STRA6: variants seen among roughly 807,000 people sequenced by gnomAD.
The protein encoded by STRA6 is receptor for retinol uptake STRA6.
Under a neutral mutation model 83.6 loss-of-function variants are expected in STRA6, and 48 were observed. That is an observed-to-expected ratio of 0.57 (90% confidence interval 0.46 to 0.73). STRA6 has a LOEUF of 0.73. STRA6 is among the 30% of genes least tolerant of loss of function. STRA6 has a pLI of 0.00. For missense variants in STRA6, 760 were observed against 838.8 expected, an observed-to-expected ratio of 0.91 and a Z score of 1.16; for synonymous variants, 353 against 362.3, an observed-to-expected ratio of 0.97 and a Z score of 0.29.
rs139557843 is a variant in STRA6 at position 74,196,028 on chromosome 15, A to G, written c.386T>C (p.Leu129Pro). 536 of 1,613,742 alleles carry G rather than the reference A, an allele frequency of 3.3e-4. 1 individual carries two copies. The highest frequency in any genetic ancestry group is 4.4e-4 in the Non-Finnish European group (517 of 1,179,972). The change falls in exon 5 of 19, where the codon CTC becomes CCC. Residue 129 changes from leucine to proline, a missense_variant. Leu to Pro is a moderately conservative substitution (Grantham distance 98, BLOSUM62 -3). Transcript: ENST00000395105. ...PDEDALPFLT[L>P]ASAPSQDGKT... ...GGTACCTTGGCTGGGTGCTGAGGCG[A>G]GAGTCAGGAAGGGCAATGCGTCCTC...
At chr15:74,191,011 G>A (rs2073504114) in intron 10 of STRA6, 110 bp from the exon 11 acceptor site, 6 of 1,576,630 alleles carry the variant, frequency 3.8e-6, no homozygotes, top group Non-Finnish European at 5.2e-6. Flanking sequence ...AAATGACCAA[G>A]GCCAGGCCAG....
Position 74,179,934 on chromosome 15 carries a change from C to T in STRA6, c.*146G>A. ...GCCCTCCTGAGGCTCCCAGTGCAGA[C>T]AGACCTCCACCCAACCACAGTGATC... On this transcript the variant is annotated 3_prime_UTR_variant, in exon 19 of 19. Transcript: ENST00000395105. The T allele has an allele frequency of 1.8e-6, 2 of 1,121,820 alleles. No homozygotes were observed. Among genetic ancestry groups the T allele is most frequent in the Non-Finnish European group, 1.3e-6 (1 of 776,456 alleles). The allele number at this position is 1,121,820 out of a possible 1,614,324, so 69.5% of individuals were successfully genotyped here.
intron 14 of STRA6, chr15:74,183,654 C>T (rs1038591947): frequency 2.2e-5 from 33 of 1,473,816 alleles, no homozygotes; most frequent in Non-Finnish European, 2.9e-5. Flanking sequence ...CTCAATTTCC[C>T]GAGGGCTCCT....
At chr15:74,189,931 G>C (rs1232678887) in intron 11 of STRA6, among the ~76,000 whole-genome samples, 4 of 152,008 alleles carry the variant, frequency 2.6e-5, no homozygotes, top group African/African-American at 4.8e-5. Context: ...CAAAGTGCTG[G>C]GATTACAGGT....
upstream of STRA6, chr15:74,202,973 C>G (rs2074154035): frequency 1.0e-6 from 1 of 986,756 alleles, no homozygotes; most frequent in Non-Finnish European, 1.2e-6. Flanking sequence ...GGAGCCACCC[C>G]CACCCCCGCA....
upstream of STRA6, among the ~76,000 whole-genome samples, chr15:74,203,700 G>A (rs1316200162): frequency 2.0e-5 from 3 of 152,208 alleles, no homozygotes; most frequent in East Asian, 3.8e-4. Context: ...ACAGTTCAGC[G>A]GGGACACAGC....
upstream of STRA6, chr15:74,209,170 T>TGG (rs1395573775): frequency 7.9e-7 from 1 of 1,262,206 alleles, no homozygotes; most frequent in African/African-American, 1.5e-5. Context: ...GAGCAGGGGC[T>TGG]GGGGCCCCAC....
At chr15:74,187,497 G>C (rs146431079) in intron 12 of STRA6, among the ~76,000 whole-genome samples, 1,558 of 152,072 alleles carry the variant, frequency 0.01, 17 homozygotes, top group Non-Finnish European at 0.017. Flanking sequence ...GTAAGTGATG[G>C]AACAGAGATT....
intron 2 of STRA6, among the ~76,000 whole-genome samples, chr15:74,201,185 C>A (rs1306171377): frequency 1.3e-5 from 2 of 152,276 alleles, no homozygotes; most frequent in Middle Eastern, 3.4e-3. Context: ...TCTGTCCCTG[C>A]TGGATGACCC....
intron 18 of STRA6, 139 bp downstream of exon 18, chr15:74,180,643 G>A: frequency 8.3e-7 from 1 of 1,209,328 alleles, no homozygotes. Context: ...CAGACCAGGA[G>A]GGGTGACCAA....
At chr15:74,198,499 G>A (rs549988142) in intron 2 of STRA6, among the ~76,000 whole-genome samples, 1 of 152,298 alleles carries the variant, frequency 6.6e-6, no homozygotes. Context: ...TGGTCTCACA[G>A]ACGTCTTCTC....
chr15:74,183,748 GACA>G, intron 14 of STRA6, 105 bp downstream of exon 14: 1 of 1,602,300 alleles, frequency 6.2e-7, no homozygotes, highest in Non-Finnish European at 8.5e-7. Flanking sequence ...AGCATTCCCA[GACA>G]AACTCTGAGG....
At chr15:74,196,360 A>G (rs1363148662) in intron 4 of STRA6, 6 of 733,980 alleles carry the variant, frequency 8.2e-6, no homozygotes, top group Non-Finnish European at 8.8e-6. Flanking sequence ...CTTGGGACAC[A>G]CATACAGTGG....
In STRA6 at chr15:74,188,774, G is replaced by A. The variant is rs922451157; in HGVS notation, c.1090+341C>T. Among the ~76,000 whole-genome samples the A allele has an allele frequency of 1.3e-5, 2 of 152,036 alleles. No individual in the cohort carries two copies. Among genetic ancestry groups the A allele is most frequent in the South Asian group, 2.1e-4 (1 of 4,830 alleles). ...TCAGAAATCCTCACCATCTCCCTTCGCCGTCTCTTCCCTCCTTCCCCACCC... is the reference window on the plus strand; with the variant it reads ...TCAGAAATCCTCACCATCTCCCTTCACCGTCTCTTCCCTCCTTCCCCACCC... On this transcript the variant is annotated intron_variant, in intron 12 of 18. Coordinates refer to ENST00000395105, the MANE Select transcript of STRA6 (RefSeq NM_022369.4). This position sits in a 1 kb window ranked among gnomAD's most constrained non-coding sequence, Gnocchi z 4.5.
At chr15:74,184,948 C>A (rs200096725) in intron 13 of STRA6, 32 bp downstream of exon 13, 1 of 1,608,212 alleles carries the variant, frequency 6.2e-7, no homozygotes, top group Non-Finnish European at 8.5e-7. Flanking sequence ...TTCCCCACCT[C>A]GGCGCTGGGT....
intron 7 of STRA6, 170 bp downstream of exon 7, chr15:74,195,132 G>T: frequency 6.7e-7 from 1 of 1,501,918 alleles, no homozygotes; most frequent in Non-Finnish European, 8.9e-7. Context: ...TGCCTCTCCT[G>T]CAGAGCAGCC....
In STRA6 at chr15:74,179,591, A is replaced by G. The variant is rs75117524; in HGVS notation, c.*489T>C. On this transcript the variant is annotated 3_prime_UTR_variant, in exon 19 of 19. Transcript: ENST00000395105. ...CTCAGTGTGGGACCTGGTCTGAGTC[A>G]TGACTTGGGCTGCCCTGCAGGCCAG... 0.027 allele frequency: 4,364 copies of G among 159,450 alleles called. 206 individuals are homozygous for G. The highest frequency in any genetic ancestry group is 0.096 in the African/African-American group (4,003 of 41,718). The allele number at this position is 159,450 out of a possible 1,614,324, so 9.9% of individuals were successfully genotyped here. A position where few individuals can be genotyped will look rare whatever the true frequency, so the allele number is the denominator to read the frequency against.
chr15:74,197,305 C>T, intron 4 of STRA6, 33 bp downstream of exon 4: 1 of 1,514,872 alleles, frequency 6.6e-7, no homozygotes, highest in South Asian at 1.2e-5. Context: ...AGCTGGGTCC[C>T]CTGAGTGGGG....
chr15:74,183,645 T>A (rs1468568249), intron 14 of STRA6: 1 of 1,453,788 alleles, frequency 6.9e-7, no homozygotes, highest in Non-Finnish European at 9.1e-7. Flanking sequence ...GGGTACACAC[T>A]CAATTTCCCG....
Sources: gnomAD v4.1 joint callset for allele counts (sites outside exome capture counted in the v4.1 genomes callset) on GRCh38, gnomAD v4.1.1 for gene constraint, Gnocchi (gnomAD v3.1) non-coding constraint, MANE v1.5 for transcripts, NCBI Gene and HGNC (gene_info 2026-07-23, HGNC 2026-07-21) for gene names.